FAM13B: variants seen among roughly 807,000 people sequenced by gnomAD.
FAM13B encodes the protein protein FAM13B.
Under a neutral mutation model 117.3 loss-of-function variants are expected in FAM13B, and 60 were observed. The ratio of observed to expected loss-of-function variants is 0.51; its 90% CI spans 0.42 to 0.63. The LOEUF (loss-of-function observed/expected upper bound fraction) is 0.63. FAM13B is among the 30% of genes least tolerant of loss of function. The pLI, the probability that FAM13B is intolerant of heterozygous loss-of-function variation, is 0.00. For synonymous variants in FAM13B, 332 were observed against 356.1 expected, an observed-to-expected ratio of 0.93 and a Z score of 0.76; for missense variants, 972 against 1,091.9, an observed-to-expected ratio of 0.89 and a Z score of 1.55.
intron 10 of FAM13B, among the ~76,000 whole-genome samples, chr5:137,973,049 AT>A (rs1772771193): frequency 6.6e-6 from 1 of 152,182 alleles, no homozygotes; most frequent in Non-Finnish European, 1.5e-5. Flanking sequence ...TAATTTATAG[AT>A]TCAATGCCAT....
chr5:137,966,486 T>TCTC (rs1769898278), intron 10 of FAM13B, among the ~76,000 whole-genome samples: 1 of 44,012 alleles, frequency 2.3e-5, no homozygotes, highest in African/African-American at 9.7e-5. Context: ...TATATATATA[T>TCTC]ATAGAGAGAG....
Position 137,954,297 on chromosome 5 carries a change from C to A in FAM13B, c.1587G>T (p.Met529Ile), listed in dbSNP as rs746862214. ...EAQLSPQAGR[M>I]NHHPLEEDCP... ...AGTCCTCTTCCAAGGGGTGATGATT[C>A]ATTCTTCCAGCTTGTGGAGACAGCT... Residue 529 changes from methionine to isoleucine, a missense_variant, in exon 15 of 24, where the codon ATG becomes ATT. Coordinates refer to ENST00000689681, the MANE Select transcript of FAM13B (RefSeq NM_001385994.1). The A allele has an allele frequency of 5.0e-6, 8 of 1,613,888 alleles. No homozygotes were observed. In the Admixed American group the frequency reaches 6.7e-5, roughly 13 times the overall value.
At chr5:137,990,235 C>A (rs565809696) in intron 7 of FAM13B, among the ~76,000 whole-genome samples, 1 of 152,094 alleles carries the variant, frequency 6.6e-6, no homozygotes, top group South Asian at 2.1e-4. Context: ...CCTTGCCTAT[C>A]GAGAAATATT....
intron 10 of FAM13B, among the ~76,000 whole-genome samples, chr5:137,983,213 A>AAAAAAAAAAAAAAAAACAAC (rs1561492748): frequency 2.1e-5 from 2 of 93,698 alleles, no homozygotes; most frequent in Non-Finnish European, 2.3e-5. Flanking sequence ...AAAAAAAAAA[A>AAAAAAAAAAAAAAAAACAAC]AACCGAGTGA....
intron 10 of FAM13B, among the ~76,000 whole-genome samples, chr5:137,977,071 T>C (rs1035917791): frequency 6.6e-6 from 1 of 152,162 alleles, no homozygotes; most frequent in African/African-American, 2.4e-5. Context: ...AGAAAGAGAA[T>C]GCACCCCTGA....
intron 1 of FAM13B, chr5:138,038,453 A>C (rs1387906729): frequency 6.6e-6 from 1 of 152,228 alleles, no homozygotes; most frequent in Non-Finnish European, 1.5e-5. Flanking sequence ...TATCAAATTC[A>C]GTCAAACTCA....
At chr5:137,954,523 C>CAT in intron 14 of FAM13B, 147 bp from the exon 15 acceptor site, 1 of 413,792 alleles carries the variant, frequency 2.4e-6, no homozygotes, top group Admixed American at 5.8e-5. Flanking sequence ...CACACACACA[C>CAT]ATACATGTGT....
chr5:137,989,118 G>A (rs111336657), intron 7 of FAM13B, among the ~76,000 whole-genome samples: 5,814 of 152,348 alleles, frequency 0.038, 136 homozygotes, highest in Middle Eastern at 0.058. Flanking sequence ...CCATAGGGAG[G>A]AGTGACCCTG....
At chr5:138,047,862 G>A (rs1271179527) in intron 1 of FAM13B, among the ~76,000 whole-genome samples, 1 of 152,192 alleles carries the variant, frequency 6.6e-6, no homozygotes, top group Non-Finnish European at 1.5e-5. Context: ...TCCTCTAGGG[G>A]CCTGACTTTA....
intron 10 of FAM13B, among the ~76,000 whole-genome samples, chr5:137,969,523 A>G (rs1281577692): frequency 6.6e-6 from 1 of 152,262 alleles, no homozygotes; most frequent in African/African-American, 2.4e-5. Flanking sequence ...AACAGAGCAG[A>G]AAAACTGGAA....
chr5:137,953,031 T>C (rs1254216418), intron 16 of FAM13B, among the ~76,000 whole-genome samples: 1 of 152,222 alleles, frequency 6.6e-6, no homozygotes, highest in Non-Finnish European at 1.5e-5. Flanking sequence ...TTGGTACTTG[T>C]AGTTTTTGAT....
chr5:137,985,347 G>C lies in FAM13B; in HGVS notation c.1089C>G (p.Asn363Lys), dbSNP rs760085370. 6.2e-7 allele frequency: 1 copy of C among 1,613,734 alleles called. No individual in the cohort carries two copies. Among genetic ancestry groups the C allele is most frequent in the South Asian group, 1.1e-5 (1 of 91,062 alleles). ...ADDIINASESNRDCSKPVAST... is the reference protein window; with the variant it reads ...ADDIINASESKRDCSKPVAST... ...TAGCCACAGGTTTTGAACAGTCTCT[G>C]TTACTTTCACTGGCATTAATAATAT... The change falls in exon 10 of 24, where the codon AAC becomes AAG. Residue 363 changes from asparagine to lysine, a missense_variant. Transcript: ENST00000689681.
intron 1 of FAM13B, among the ~76,000 whole-genome samples, chr5:138,043,519 A>G (rs1262953140): frequency 1.4e-5 from 2 of 146,578 alleles, no homozygotes; most frequent in Admixed American, 7.0e-5. Flanking sequence ...GGCTCACTGC[A>G]ACCTCCACCT....
Position 138,019,235 on chromosome 5 carries a change from GA to G in FAM13B, c.-35-90del, listed in dbSNP as rs1276740730. 5.3e-6 allele frequency: 6 copies of G among 1,121,702 alleles called. No homozygotes were observed. The East Asian group carries it at 1.3e-4, about 24-fold the overall frequency. 69.5% of individuals were successfully genotyped at this position (1,121,702 alleles called of 1,614,324 possible). On this transcript the variant is annotated intron_variant, in intron 2 of 23. Transcript: ENST00000689681. ...CATTAAAGAAAAATGCTTTACACCTGAATGTGTTCTCATCTATTTAAATGTT... is the reference window on the plus strand; with the variant it reads ...CATTAAAGAAAAATGCTTTACACCTGATGTGTTCTCATCTATTTAAATGTT...
At chr5:137,978,611 C>T (rs1257611846) in intron 10 of FAM13B, among the ~76,000 whole-genome samples, 5 of 152,090 alleles carry the variant, frequency 3.3e-5, no homozygotes, top group African/African-American at 7.2e-5. Context: ...CTTTTTTCCT[C>T]CTTTTACCTC....
Position 137,946,271 on chromosome 5 carries a change from A to C in FAM13B, c.2201T>G (p.Leu734Arg). Reference protein sequence around the residue: ...KDHLVEEKASLQKSLLYYESQ... With the variant: ...KDHLVEEKASRQKSLLYYESQ... ...TTCATAGTAAAGAAGACTTTTCTGAAGAGAAGCTTTCTCTTCTACCAAATG... is the reference window on the plus strand; with the variant it reads ...TTCATAGTAAAGAAGACTTTTCTGACGAGAAGCTTTCTCTTCTACCAAATG... Residue 734 changes from leucine to arginine, a missense_variant, in exon 19 of 24, where the codon CTT becomes CGT. Leu to Arg is a moderately radical substitution (Grantham distance 102). Coordinates refer to ENST00000689681, the MANE Select transcript of FAM13B (RefSeq NM_001385994.1). 1 of 1,591,216 alleles carries C rather than the reference A, an allele frequency of 6.3e-7. No individual in the cohort carries two copies. Among genetic ancestry groups the C allele is most frequent in the Non-Finnish European group, 8.5e-7 (1 of 1,173,910 alleles).
intron 8 of FAM13B, 121 bp from the exon 9 acceptor site, chr5:137,987,737 A>C: frequency 1.2e-6 from 1 of 837,870 alleles, no homozygotes; most frequent in Non-Finnish European, 1.8e-6. Context: ...GGTAAACCAA[A>C]GTGTAAAAAG....
intron 1 of FAM13B, among the ~76,000 whole-genome samples, chr5:138,044,373 G>A (rs917561222): frequency 3.3e-5 from 5 of 152,082 alleles, no homozygotes; most frequent in East Asian, 1.9e-4. Flanking sequence ...CCAATGTGGT[G>A]AAACCCAGTC....
chr5:137,974,275 C>T (rs536992798), intron 10 of FAM13B, among the ~76,000 whole-genome samples: 43 of 151,746 alleles, frequency 2.8e-4, no homozygotes, highest in Non-Finnish European at 4.0e-4. Flanking sequence ...CTATACTATG[C>T]GCCATAAAAA....
Sources: allele counts gnomAD v4.1 joint callset (sites outside exome capture counted in the v4.1 genomes callset), GRCh38; gene constraint gnomAD v4.1.1; transcripts MANE v1.5; gene names NCBI Gene and HGNC (gene_info 2026-07-23, HGNC 2026-07-21).